The following ZNF215 variants were observed in gnomAD, a reference collection of about 807,000 sequenced individuals.
The protein encoded by ZNF215 is BWSCR2-associated zinc finger protein 2.
A neutral mutation model predicts 27.2 loss-of-function variants in ZNF215; 24 were observed. The observed-to-expected ratio is 0.88, with a 90% CI of 0.64 to 1.24. The LOEUF (loss-of-function observed/expected upper bound fraction) is 1.24, where lower values mean the gene tolerates loss of function less well. Ranked by LOEUF, ZNF215 falls within the 50% of genes most tolerant of loss-of-function variation. The pLI is 0.00. For synonymous variants in ZNF215, 210 were observed against 204.0 expected, an observed-to-expected ratio of 1.03 and a Z score of -0.25; for missense variants, 675 against 605.7, an observed-to-expected ratio of 1.11 and a Z score of -1.20.
chr11:6,955,042 A>C (rs952857964), intron 6 of ZNF215, among the ~76,000 whole-genome samples: 1 of 152,202 alleles, frequency 6.6e-6, no homozygotes, highest in Non-Finnish European at 1.5e-5. Context: ...TTAGAACGGT[A>C]AAGTTTTGAA....
intron 3 of ZNF215, among the ~76,000 whole-genome samples, chr11:6,938,969 T>A (rs1391278184): frequency 6.6e-6 from 1 of 152,124 alleles, no homozygotes; most frequent in African/African-American, 2.4e-5. Flanking sequence ...AGAGCCACGA[T>A]AGAATGGGAG....
intron 5 of ZNF215, among the ~76,000 whole-genome samples, chr11:6,971,861 A>C (rs1352707764): frequency 6.6e-6 from 1 of 152,190 alleles, no homozygotes; most frequent in African/African-American, 2.4e-5. Flanking sequence ...GTTTTTGAGT[A>C]CATAAAGCAG....
intron 6 of ZNF215, among the ~76,000 whole-genome samples, chr11:6,953,687 C>G (rs540183458): frequency 6.6e-6 from 1 of 152,198 alleles, no homozygotes; most frequent in Non-Finnish European, 1.5e-5. Context: ...TGAATTTCCT[C>G]CTGTAGCTTG....
At chr11:6,973,570 C>CT (rs1187047890) in intron 5 of ZNF215, among the ~76,000 whole-genome samples, 6 of 152,154 alleles carry the variant, frequency 3.9e-5, no homozygotes, top group South Asian at 4.1e-4. Context: ...TGTTTCCTGA[C>CT]TTTTTAATGA....
At chr11:6,989,897 G>A (rs1367092085), downstream of ZNF215, among the ~76,000 whole-genome samples, 2 of 152,116 alleles carry the variant, frequency 1.3e-5, no homozygotes, top group Non-Finnish European at 2.9e-5. Flanking sequence ...AGAACCTAAT[G>A]CTCAGACCTA....
chr11:6,927,101 T>C (rs1849079651), intron 1 of ZNF215, among the ~76,000 whole-genome samples: 1 of 151,784 alleles, frequency 6.6e-6, no homozygotes, highest in African/African-American at 2.4e-5. Flanking sequence ...TATGATCAGC[T>C]GGTTTGGGAA....
intron 6 of ZNF215, among the ~76,000 whole-genome samples, chr11:6,946,136 C>T (rs1312128628): frequency 1.3e-5 from 2 of 152,088 alleles, no homozygotes; most frequent in African/African-American, 4.8e-5. Flanking sequence ...CCACTTTTGT[C>T]CAACTGCAGT....
At chr11:6,973,525 T>A (rs1400764893) in intron 5 of ZNF215, among the ~76,000 whole-genome samples, 1 of 152,112 alleles carries the variant, frequency 6.6e-6, no homozygotes, top group East Asian at 1.9e-4. Flanking sequence ...AGTGTAAAAG[T>A]CTTCCTATTT....
At chr11:6,949,434 C>T (rs11041112) in intron 6 of ZNF215, among the ~76,000 whole-genome samples, 101,685 of 151,542 alleles carry the variant, frequency 0.67, 35,087 homozygotes, top group South Asian at 0.8. Context: ...TTTTAATGAT[C>T]GCCATTCTAA....
downstream of ZNF215, among the ~76,000 whole-genome samples, chr11:6,992,196 TAATGCAATCACAGGA>T (rs1328520099): frequency 6.6e-6 from 1 of 152,158 alleles, no homozygotes; most frequent in Non-Finnish European, 1.5e-5. Flanking sequence ...GCTTGTTCCT[TAATGCAATCACAGGA>T]ATGCACACTG....
intron 6 of ZNF215, among the ~76,000 whole-genome samples, 180 bp downstream of exon 6, chr11:6,943,821 G>A (rs1016772012): frequency 2.0e-5 from 3 of 152,190 alleles, no homozygotes; most frequent in Non-Finnish European, 4.4e-5. Flanking sequence ...TGGTAAAACA[G>A]TCACATAAGG....
chr11:6,993,591 C>T (rs1357997672), downstream of ZNF215, among the ~76,000 whole-genome samples: 1 of 152,104 alleles, frequency 6.6e-6, no homozygotes, highest in Non-Finnish European at 1.5e-5. Flanking sequence ...AATTTATTTT[C>T]AGTGATCACA....
chr11:6,948,445 G>T (rs2638100), intron 6 of ZNF215, among the ~76,000 whole-genome samples: 4 of 152,002 alleles, frequency 2.6e-5, no homozygotes, highest in Non-Finnish European at 5.9e-5. Context: ...GATTTGATAT[G>T]GGAGACGAAG....
In ZNF215 at chr11:6,957,042, C is replaced by G; in HGVS notation, c.*511C>G. 1 of 986,498 alleles carries G rather than the reference C, an allele frequency of 1.0e-6. No individual in the cohort carries two copies. Among genetic ancestry groups the G allele is most frequent in the South Asian group, 4.7e-5 (1 of 21,336 alleles). The allele number at this position is 986,498 out of a possible 1,614,324, so 61.1% of individuals were successfully genotyped here. A position where few individuals can be genotyped will look rare whatever the true frequency, so the allele number is the denominator to read the frequency against. On this transcript the variant is annotated 3_prime_UTR_variant, in exon 7 of 7. Transcript: ENST00000278319. ...CTAAGACAACAGTAACAGCCATTTA[C>G]TCCACTCCTGACAATACCCTTTGTT...
rs1850368443 is a variant in ZNF215 at position 6,956,587 on chromosome 11, A to G, written c.*56A>G. 6.7e-7 allele frequency: 1 copy of G among 1,488,390 alleles called. No individual in the cohort carries two copies. The highest frequency in any genetic ancestry group is 8.9e-7 in the Non-Finnish European group (1 of 1,127,032). The allele number at this position is 1,488,390 out of a possible 1,614,324, so 92.2% of individuals were successfully genotyped here. Reference sequence around the variant, plus strand: ...CAGAATGCAGAACTCATTTAACATCATGAATTTATGCTGGATAAAATCTCA... The same window carrying G: ...CAGAATGCAGAACTCATTTAACATCGTGAATTTATGCTGGATAAAATCTCA... On this transcript the variant is annotated 3_prime_UTR_variant, in exon 7 of 7. Coordinates refer to ENST00000278319, the MANE Select transcript of ZNF215 (RefSeq NM_013250.4).
At position 6,941,609 on chromosome 11, in the gene ZNF215, A is replaced by G. The variant is rs1344457581; in HGVS notation, c.439A>G (p.Ile147Val). 2.5e-6 allele frequency: 4 copies of G among 1,614,136 alleles called. No individual in the cohort carries two copies. The highest frequency in any genetic ancestry group is 3.4e-6 in the Non-Finnish European group (4 of 1,179,964). Reference protein sequence around the residue: ...CKDSALQMGSIKEKMKAGSRT... With the variant: ...CKDSALQMGSVKEKMKAGSRT... ...GGACTCTGCCCTGCAGATGGGGAGC[A>G]TCAAGGAGAAAATGAAAGCTGGCTC... The change falls in exon 4 of 7, where the codon ATC becomes GTC. Residue 147 changes from isoleucine to valine, a missense_variant. Ile to Val is a conservative substitution (Grantham distance 29, BLOSUM62 3). Coordinates refer to ENST00000278319, the MANE Select transcript of ZNF215 (RefSeq NM_013250.4).
In ZNF215 at chr11:6,932,579, G is replaced by A. The variant is rs1849303291; in HGVS notation, c.307G>A (p.Glu103Lys). The change falls in exon 3 of 7, where the codon GAA (glutamate) becomes AAA (lysine). Residue 103 changes from glutamate to lysine, a missense_variant. Coordinates refer to ENST00000278319, the MANE Select transcript of ZNF215 (RefSeq NM_013250.4). ...ACAATTCCTGGCAATCCTGCCTGAA[G>A]AAGTCAGGACTTGGGTGAATTTACA... The part of the protein sequence containing the change: ...LEQFLAILPE[E>K]VRTWVNLQHP... The A allele has an allele frequency of 6.2e-7, 1 of 1,614,060 alleles. No homozygotes were observed. Among genetic ancestry groups the A allele is most frequent in the African/African-American group, 1.3e-5 (1 of 74,920 alleles).
chr11:6,953,718 G>T (rs964972002), intron 6 of ZNF215, among the ~76,000 whole-genome samples: 23 of 152,212 alleles, frequency 1.5e-4, no homozygotes, highest in African/African-American at 5.3e-4. Context: ...ATCATCTGAA[G>T]CCTTCTTCTC....
chr11:6,991,414 C>T (rs1188711783), downstream of ZNF215, among the ~76,000 whole-genome samples: 1 of 152,226 alleles, frequency 6.6e-6, no homozygotes, highest in Non-Finnish European at 1.5e-5. Context: ...GCTGTGGCAG[C>T]ACACACCGTC....
Sources: gnomAD v4.1 joint callset for allele counts (sites outside exome capture counted in the v4.1 genomes callset) on GRCh38, gnomAD v4.1.1 for gene constraint, MANE v1.5 for transcripts, NCBI Gene and HGNC (gene_info 2026-07-23, HGNC 2026-07-21) for gene names.